GLMN: variants seen among roughly 807,000 people sequenced by gnomAD.
GLMN encodes glomulin.
A neutral mutation model predicts 87.8 loss-of-function variants in GLMN; 75 were observed. The ratio of observed to expected loss-of-function variants is 0.85; its 90% confidence interval spans 0.71 to 1.04. The LOEUF (loss-of-function observed/expected upper bound fraction) is 1.04, where lower values mean the gene tolerates loss of function less well. Ranked by LOEUF, GLMN falls within the 50% of genes least tolerant of loss-of-function variation. GLMN has a pLI of 0.00. For missense variants in GLMN, 588 were observed against 658.8 expected (o/e 0.89, Z 1.18); for synonymous variants, 206 against 221.6 (o/e 0.93, Z 0.63).
At chr1:92,341,906 G>T in the GLMN span, among the ~76,000 whole-genome samples, 1 of 152,200 alleles carries the variant, frequency 6.6e-6, no homozygotes, top group Non-Finnish European at 1.5e-5. Flanking sequence ...GCCTCCCAAC[G>T]TGCTAGGATT....
At chr1:92,319,698 A>G in the GLMN span, among the ~76,000 whole-genome samples, 3 of 152,210 alleles carry the variant, frequency 2.0e-5, no homozygotes, top group Non-Finnish European at 4.4e-5. Context: ...AGACTTAAAC[A>G]TATGAAAAGT....
the GLMN span, among the ~76,000 whole-genome samples, chr1:92,322,292 CCCAGCAGTTTGGGAGG>C: frequency 6.6e-6 from 1 of 151,646 alleles, no homozygotes; most frequent in East Asian, 2.0e-4. Flanking sequence ...AGCCAGTAAT[CCCAGCAGTTTGGGAGG>C]CCAAGACAGG....
At position 92,295,276 on chromosome 1, in the gene GLMN, C is replaced by T. The variant is rs141884340; in HGVS notation, c.165+2128G>A. Among the ~76,000 whole-genome samples, 406 of 151,818 alleles carry T rather than the reference C, an allele frequency of 2.7e-3. 1 individual carries two copies. The highest frequency in any genetic ancestry group is 9.5e-3 in the African/African-American group (395 of 41,412). ...TTCTTCAAGATGGGATCTTGGGCCT[C>T]TTCTCTTCTGCCCCTTTTATGTGAA... is the stretch of plus-strand genomic sequence containing the variant. On this transcript the variant is annotated intron_variant, in intron 3 of 18. Transcript: ENST00000370360.
chr1:92,354,908 T>A, the GLMN span, among the ~76,000 whole-genome samples: 10 of 149,614 alleles, frequency 6.7e-5, no homozygotes, highest in African/African-American at 2.2e-4. Flanking sequence ...TTATTATTAT[T>A]ATTATTATTA....
Position 92,246,495 on chromosome 1 carries a change from ATATTT to A in GLMN, c.*30_*34del, listed in dbSNP as rs1652683081. The A allele has an allele frequency of 1.1e-6, 1 of 915,446 alleles. No individual in the cohort carries two copies. The highest frequency in any genetic ancestry group is 1.6e-5 in the African/African-American group (1 of 61,176). The allele number at this position is 915,446 out of a possible 1,614,324, so 56.7% of individuals were successfully genotyped here. The stretch of plus-strand genomic sequence containing the variant: ...TAAATGAATCATAATGGAAAGTACT[ATATTT>A]TATTAGTTTTTATTTAGGAAATGGA... On this transcript the variant is annotated 3_prime_UTR_variant, in exon 19 of 19. Coordinates refer to ENST00000370360, the MANE Select transcript of GLMN (RefSeq NM_053274.3).
At chr1:92,299,694 TAGAC>T (rs1650659725), upstream of GLMN, among the ~76,000 whole-genome samples, 2 of 152,184 alleles carry the variant, frequency 1.3e-5, no homozygotes. Flanking sequence ...CAAGAAAAAT[TAGAC>T]AGTAATCAAT....
At chr1:92,275,300 G>T (rs557555809) in intron 7 of GLMN, among the ~76,000 whole-genome samples, 5 of 152,222 alleles carry the variant, frequency 3.3e-5, no homozygotes, top group African/African-American at 1.2e-4. Flanking sequence ...CCCCTCAATT[G>T]TAAGATTCCA....
the GLMN span, among the ~76,000 whole-genome samples, chr1:92,331,557 T>G: frequency 6.6e-6 from 1 of 152,200 alleles, no homozygotes; most frequent in Non-Finnish European, 1.5e-5. Flanking sequence ...TAAAGTCTAA[T>G]GTAAGTTAAT....
intron 3 of GLMN, among the ~76,000 whole-genome samples, chr1:92,295,621 A>C (rs1267230591): frequency 6.6e-6 from 1 of 152,134 alleles, no homozygotes; most frequent in Non-Finnish European, 1.5e-5. Flanking sequence ...AATCCCCTGT[A>C]TTCTACCCTA....
At chr1:92,335,346 A>G in the GLMN span, among the ~76,000 whole-genome samples, 1 of 152,178 alleles carries the variant, frequency 6.6e-6, no homozygotes, top group Non-Finnish European at 1.5e-5. Flanking sequence ...ATTTTGGAAC[A>G]TGTGTGAAAC....
At chr1:92,274,502 C>T (rs1656596182) in intron 7 of GLMN, among the ~76,000 whole-genome samples, 1 of 152,194 alleles carries the variant, frequency 6.6e-6, no homozygotes, top group South Asian at 2.1e-4. Context: ...GACTCTGGCA[C>T]CTTCTCATAA....
intron 1 of GLMN, among the ~76,000 whole-genome samples, chr1:92,298,664 T>C (rs889453846): frequency 6.6e-6 from 1 of 152,162 alleles, no homozygotes; most frequent in Non-Finnish European, 1.5e-5. Flanking sequence ...TCGCTTCTCC[T>C]GGCGGCAAGG....
At chr1:92,264,286 C>T (rs559352790) in intron 14 of GLMN, among the ~76,000 whole-genome samples, 39 of 152,164 alleles carry the variant, frequency 2.6e-4, no homozygotes, top group African/African-American at 8.7e-4. Flanking sequence ...GCACTCCAAG[C>T]TGGGTGACAG....
chr1:92,273,327 T>C (rs919531776), intron 7 of GLMN, among the ~76,000 whole-genome samples: 2 of 152,194 alleles, frequency 1.3e-5, no homozygotes, highest in African/African-American at 4.8e-5. Flanking sequence ...ATTCTGGTTA[T>C]AGCTACAAGA....
At chr1:92,309,182 A>C in the GLMN span, among the ~76,000 whole-genome samples, 2 of 152,078 alleles carry the variant, frequency 1.3e-5, no homozygotes, top group African/African-American at 2.4e-5. Context: ...GGTGGCTTAC[A>C]CCTGTAATCC....
chr1:92,318,258 C>T, the GLMN span, among the ~76,000 whole-genome samples: 5 of 152,152 alleles, frequency 3.3e-5, no homozygotes, highest in African/African-American at 9.7e-5. Context: ...AGACCATTAG[C>T]GCTTTAGATA....
At chr1:92,324,201 G>C in the GLMN span, 1 of 1,614,146 alleles carries the variant, frequency 6.2e-7, no homozygotes, top group Non-Finnish European at 8.5e-7. Context: ...GGGAATCTCA[G>C]AACAGCTTGG....
chr1:92,365,898 TACATGACCTTAAGA>T, the GLMN span, among the ~76,000 whole-genome samples: 6 of 152,178 alleles, frequency 3.9e-5, no homozygotes, highest in Non-Finnish European at 8.8e-5. Context: ...TTTACTGACT[TACATGACCTTAAGA>T]AAGTCACTTG....
the GLMN span, among the ~76,000 whole-genome samples, chr1:92,339,596 A>T: frequency 6.6e-6 from 1 of 152,096 alleles, no homozygotes; most frequent in Non-Finnish European, 1.5e-5. Context: ...GGTAATAGTG[A>T]CATTTCTATT....
Sources: gnomAD v4.1 joint callset for allele counts (sites outside exome capture counted in the v4.1 genomes callset) on GRCh38, gnomAD v4.1.1 for gene constraint, MANE v1.5 for transcripts, NCBI Gene and HGNC (gene_info 2026-07-23, HGNC 2026-07-21) for gene names.